FSTL5: variants seen among roughly 807,000 people sequenced by gnomAD.
FSTL5 encodes the protein follistatin like 5.
Under a neutral mutation model 89.1 loss-of-function variants are expected in FSTL5, and 62 were observed. The ratio of observed to expected loss-of-function variants is 0.70; its 90% CI spans 0.57 to 0.86. The LOEUF is 0.86. FSTL5 is among the 40% of genes least tolerant of loss of function. The probability of loss-of-function intolerance (pLI) is 0.00; values close to 1 mark genes in which losing one functional copy is unlikely to be tolerated. For synonymous variants in FSTL5, 383 were observed against 346.2 expected (o/e 1.11, Z -1.18); for missense variants, 1,057 against 1,001.6 (o/e 1.06, Z -0.75).
chr4:161,589,537 C>G (rs1560968075), intron 7 of FSTL5, among the ~76,000 whole-genome samples: 1 of 152,000 alleles, frequency 6.6e-6, no homozygotes, highest in Admixed American at 6.6e-5. Context: ...ATGCTGATCT[C>G]AAACTCCTGG....
chr4:161,736,955 C>A (rs1739841417), intron 6 of FSTL5, among the ~76,000 whole-genome samples: 2 of 151,886 alleles, frequency 1.3e-5, no homozygotes, highest in South Asian at 2.1e-4. Flanking sequence ...TCCATATATA[C>A]CCTGGATGAT....
intron 10 of FSTL5, among the ~76,000 whole-genome samples, chr4:161,511,713 G>A (rs2126501737): frequency 6.6e-6 from 1 of 152,038 alleles, no homozygotes; most frequent in Middle Eastern, 3.4e-3. Context: ...TTATTCTCAA[G>A]GAGAGGTTAT....
intron 7 of FSTL5, among the ~76,000 whole-genome samples, chr4:161,619,248 C>T (rs1428203549): frequency 2.6e-5 from 4 of 152,080 alleles, no homozygotes; most frequent in Non-Finnish European, 4.4e-5. Flanking sequence ...TAGAAGAAAA[C>T]CTAGGCATTA....
At chr4:161,852,405 A>G (rs891226452) in intron 4 of FSTL5, among the ~76,000 whole-genome samples, 6 of 152,176 alleles carry the variant, frequency 3.9e-5, no homozygotes, top group African/African-American at 9.6e-5. Context: ...TCAAAACCAC[A>G]TTGAGATACC....
At chr4:161,443,647 A>G (rs189271344) in intron 15 of FSTL5, among the ~76,000 whole-genome samples, 1 of 152,138 alleles carries the variant, frequency 6.6e-6, no homozygotes, top group African/African-American at 2.4e-5. Context: ...GTAAGGTTGA[A>G]TGCCTTCAAC....
At chr4:161,578,696 A>G (rs1242592691) in intron 8 of FSTL5, among the ~76,000 whole-genome samples, 1 of 152,116 alleles carries the variant, frequency 6.6e-6, no homozygotes, top group African/African-American at 2.4e-5. Flanking sequence ...CTGATACCCA[A>G]TGATAAAGAG....
At chr4:161,759,829 A>C (rs1168818091) in intron 5 of FSTL5, among the ~76,000 whole-genome samples, 1 of 151,882 alleles carries the variant, frequency 6.6e-6, no homozygotes, top group Non-Finnish European at 1.5e-5. Context: ...TATTTCATGC[A>C]TTTTCTTTGC....
chr4:161,801,912 T>G (rs1188746808), intron 4 of FSTL5, among the ~76,000 whole-genome samples: 1 of 151,650 alleles, frequency 6.6e-6, no homozygotes, highest in East Asian at 1.9e-4. Context: ...GAATATGGAA[T>G]TATTTGAAAA....
chr4:161,702,617 C>T (rs1738433539), intron 6 of FSTL5, among the ~76,000 whole-genome samples: 1 of 152,142 alleles, frequency 6.6e-6, no homozygotes, highest in Non-Finnish European at 1.5e-5. Flanking sequence ...ACACACTTTT[C>T]TCCCAGGTTG....
In FSTL5 at chr4:161,651,331, G is replaced by GA. The variant is rs11325739; in HGVS notation, c.894+4996dup. On this transcript the variant is annotated intron_variant, in intron 7 of 15. Coordinates refer to ENST00000306100, the MANE Select transcript of FSTL5 (RefSeq NM_020116.5). ...ATGATTCCTAAACCTTCCTTGAATT[G>GA]AAAAAAAAAAAAAAAGAAATTCTTC... Among the ~76,000 whole-genome samples, 266 of 121,626 alleles carry GA rather than the reference G, an allele frequency of 2.2e-3. 1 individual carries two copies. The highest frequency in any genetic ancestry group is 4.7e-3 in the African/African-American group (146 of 30,846). 79.8% of individuals were successfully genotyped at this position (121,626 alleles called of 152,430 possible). A position where few individuals can be genotyped will look rare whatever the true frequency, so the allele number is the denominator to read the frequency against.
chr4:161,533,168 G>GGAA (rs548551268), intron 10 of FSTL5, among the ~76,000 whole-genome samples: 9 of 127,680 alleles, frequency 7.0e-5, no homozygotes, highest in African/African-American at 2.1e-4. Context: ...TTAGAACTAG[G>GGAA]AAAAAAAAAA....
At chr4:161,712,151 A>G (rs1256093329) in intron 6 of FSTL5, among the ~76,000 whole-genome samples, 2 of 152,262 alleles carry the variant, frequency 1.3e-5, no homozygotes, top group East Asian at 3.9e-4. Context: ...TGCATAAGGC[A>G]TTTCCTTTTT....
chr4:161,589,000 T>G (rs1242703916), intron 7 of FSTL5, among the ~76,000 whole-genome samples: 1 of 136,398 alleles, frequency 7.3e-6, no homozygotes, highest in Non-Finnish European at 1.5e-5. Flanking sequence ...CCCTAATGTT[T>G]TTTTTTTTTT....
chr4:161,568,676 G>C (rs1441491758), intron 8 of FSTL5, among the ~76,000 whole-genome samples: 1 of 152,034 alleles, frequency 6.6e-6, no homozygotes, highest in African/African-American at 2.4e-5. Flanking sequence ...GTTTGGCCTG[G>C]TTTAAAAATC....
intron 2 of FSTL5, among the ~76,000 whole-genome samples, chr4:162,081,015 C>G (rs559328432): frequency 2.4e-4 from 36 of 151,686 alleles, no homozygotes; most frequent in Admixed American, 7.9e-4. Context: ...ATAATAATTG[C>G]AATTTCCAAG....
chr4:161,544,126 A>G (rs992239602), intron 8 of FSTL5, among the ~76,000 whole-genome samples: 3 of 152,018 alleles, frequency 2.0e-5, no homozygotes, highest in Admixed American at 2.0e-4. Flanking sequence ...AGCATATGAA[A>G]AGATTAAAAA....
intron 4 of FSTL5, among the ~76,000 whole-genome samples, chr4:161,906,992 TGA>T (rs1728932928): frequency 6.6e-6 from 1 of 152,134 alleles, no homozygotes; most frequent in South Asian, 2.1e-4. Flanking sequence ...TGTTGCTGTG[TGA>T]TATACTAGTT....
chr4:162,153,759 T>TGTATACATATATATGTATA (rs371894175), intron 1 of FSTL5, among the ~76,000 whole-genome samples: 17 of 100,124 alleles, frequency 1.7e-4, no homozygotes, highest in East Asian at 1.1e-3. Flanking sequence ...TACATGTATA[T>TGTATACATATATATGTATA]ATACATGTAT....
chr4:161,728,142 C>T (rs1221080261), intron 6 of FSTL5, among the ~76,000 whole-genome samples: 3 of 152,146 alleles, frequency 2.0e-5, no homozygotes, highest in South Asian at 2.1e-4. Flanking sequence ...CGGAGTAATA[C>T]GGATCCATGG....
Sources: gnomAD v4.1 joint callset for allele counts (sites outside exome capture counted in the v4.1 genomes callset) on GRCh38, gnomAD v4.1.1 for gene constraint, MANE v1.5 for transcripts, NCBI Gene and HGNC (gene_info 2026-07-23, HGNC 2026-07-21) for gene names.